MSRA: variants seen among roughly 807,000 people sequenced by gnomAD.
The protein encoded by MSRA is methionine sulfoxide reductase A.
A neutral mutation model predicts 31.3 loss-of-function variants in MSRA; 54 were observed. That is an observed-to-expected ratio of 1.73 (90% CI 1.39 to 2.17). The LOEUF is 2.17. Among genes scored for constraint, MSRA ranks in the 30% most tolerant of loss-of-function variants. The pLI, the probability that MSRA is intolerant of heterozygous loss-of-function variation, is 0.00. For missense variants in MSRA, 507 were observed against 300.9 expected (o/e 1.69, Z -5.07); for synonymous variants, 169 against 116.5 (o/e 1.45, Z -2.90).
rs552655550 is a variant in MSRA, at chr8:10,322,567, G to A, written c.543+2578G>A. ...GTTGTGAAAGTGCAGAGTCTAAGGT[G>A]CCCATGACATGGGCATCCAAGGGGC... On this transcript the variant is annotated intron_variant, in intron 5 of 5. Transcript: ENST00000317173. 3.3e-5 allele frequency among the ~76,000 whole-genome samples: 5 copies of A among 152,248 alleles called. No homozygotes were observed. The South Asian group carries it at 1.0e-3, about 32-fold the overall frequency.
intron 5 of MSRA, among the ~76,000 whole-genome samples, chr8:10,425,973 G>C (rs1809133538): frequency 1.3e-5 from 2 of 152,176 alleles, no homozygotes; most frequent in African/African-American, 4.8e-5. Flanking sequence ...GTGCTGCCTG[G>C]AGCAGATGGC....
intron 1 of MSRA, among the ~76,000 whole-genome samples, chr8:10,116,736 G>A (rs1236747481): frequency 6.6e-6 from 1 of 152,162 alleles, no homozygotes; most frequent in South Asian, 2.1e-4. Flanking sequence ...GGGAGGCTGA[G>A]GCAGGCGGAT....
intron 4 of MSRA, among the ~76,000 whole-genome samples, chr8:10,302,189 T>C (rs1440948995): frequency 2.4e-4 from 37 of 152,260 alleles, no homozygotes; most frequent in Non-Finnish European, 5.4e-4. Context: ...GTGGAGATAT[T>C]AATATATTTG....
At chr8:10,211,405 C>G (rs1054457808) in intron 2 of MSRA, among the ~76,000 whole-genome samples, 8 of 152,166 alleles carry the variant, frequency 5.3e-5, no homozygotes, top group African/African-American at 1.9e-4. Context: ...CTCTCCCTCT[C>G]CTCTGCCCTT....
chr8:10,146,512 C>T (rs908829576), intron 1 of MSRA, among the ~76,000 whole-genome samples: 4 of 151,966 alleles, frequency 2.6e-5, no homozygotes, highest in Non-Finnish European at 5.9e-5. Context: ...TGCTGAGGGC[C>T]GAGGGCTGGG....
At chr8:10,287,520 A>G (rs1037966231) in intron 3 of MSRA, among the ~76,000 whole-genome samples, 3 of 152,210 alleles carry the variant, frequency 2.0e-5, no homozygotes, top group Admixed American at 1.3e-4. Flanking sequence ...AGTTCGGAAT[A>G]ACACAGAACA....
chr8:10,085,098 G>A (rs1798490418), intron 1 of MSRA, among the ~76,000 whole-genome samples: 1 of 152,178 alleles, frequency 6.6e-6, no homozygotes, highest in South Asian at 2.1e-4. Flanking sequence ...TGAAGTTTGA[G>A]GAAAATCTGT....
intron 1 of MSRA, among the ~76,000 whole-genome samples, chr8:10,184,562 C>T (rs146468150): frequency 1.1e-4 from 16 of 152,018 alleles, no homozygotes; most frequent in African/African-American, 3.1e-4. Flanking sequence ...CTTCCCTGAT[C>T]GGTTTTTTTA....
At chr8:10,373,080 G>C (rs1396203025) in intron 5 of MSRA, among the ~76,000 whole-genome samples, 1 of 152,140 alleles carries the variant, frequency 6.6e-6, no homozygotes, top group Non-Finnish European at 1.5e-5. Flanking sequence ...TAGTAGAGAC[G>C]AGGTTTTGCC....
intron 1 of MSRA, among the ~76,000 whole-genome samples, chr8:10,187,327 C>A (rs749301278): frequency 1.3e-5 from 2 of 152,040 alleles, no homozygotes; most frequent in Admixed American, 1.3e-4. Flanking sequence ...TTTTTGTATT[C>A]CACTATTTGT....
intron 1 of MSRA, among the ~76,000 whole-genome samples, chr8:10,104,888 A>G (rs1799778288): frequency 6.6e-6 from 1 of 152,170 alleles, no homozygotes; most frequent in Non-Finnish European, 1.5e-5. Context: ...TCCAGTACCC[A>G]TTTATATTCC....
At position 10,054,395 on chromosome 8, in the gene MSRA, G is replaced by A. The variant is rs1156399461; in HGVS notation, c.-122G>A. ...GCCCCGCCAGCAGCGCCCCGCGCCCGCCCGCCCGCGCCCCTGCCGCCCCCC... is the reference window on the plus strand; with the variant it reads ...GCCCCGCCAGCAGCGCCCCGCGCCCACCCGCCCGCGCCCCTGCCGCCCCCC... On this transcript the variant is annotated 5_prime_UTR_variant, in exon 1 of 6. Transcript: ENST00000317173. 6 of 237,202 alleles carry A rather than the reference G, an allele frequency of 2.5e-5. No individual in the cohort carries two copies. The highest frequency in any genetic ancestry group is 9.8e-5 in the East Asian group (1 of 10,214). The allele number at this position is 237,202 out of a possible 1,614,324, so 14.7% of individuals were successfully genotyped here.
At chr8:10,131,192 G>T (rs1801871387) in intron 1 of MSRA, among the ~76,000 whole-genome samples, 3 of 152,142 alleles carry the variant, frequency 2.0e-5, no homozygotes, top group African/African-American at 4.8e-5. Flanking sequence ...CTTCTCTCTG[G>T]AAGCTTGCCC....
intron 1 of MSRA, among the ~76,000 whole-genome samples, chr8:10,155,425 G>A (rs1231768314): frequency 2.6e-5 from 4 of 152,200 alleles, no homozygotes; most frequent in African/African-American, 9.7e-5. Flanking sequence ...CAACTGAAGA[G>A]CCTAGAAGCT....
chr8:10,153,019 G>C (rs137972614), intron 1 of MSRA, among the ~76,000 whole-genome samples: 135 of 152,290 alleles, frequency 8.9e-4, no homozygotes, highest in African/African-American at 3.2e-3. Context: ...AGGGGATGAA[G>C]AGCTGCTGTT....
At chr8:10,077,061 AG>A (rs1424167283) in intron 1 of MSRA, among the ~76,000 whole-genome samples, 45 of 151,418 alleles carry the variant, frequency 3.0e-4, no homozygotes, top group Admixed American at 2.4e-3. Context: ...AAAAAAAAAA[AG>A]AGCAGAGGAC....
chr8:10,280,701 A>C (rs1425935955), intron 3 of MSRA, among the ~76,000 whole-genome samples: 1 of 152,246 alleles, frequency 6.6e-6, no homozygotes, highest in Non-Finnish European at 1.5e-5. Flanking sequence ...ACCTGTGTCC[A>C]TACAAAAGCC....
At chr8:10,291,019 C>T (rs1800204728) in intron 3 of MSRA, among the ~76,000 whole-genome samples, 1 of 152,158 alleles carries the variant, frequency 6.6e-6, no homozygotes, top group South Asian at 2.1e-4. Flanking sequence ...CGAAGGCCAG[C>T]CTCTGAAATC....
intron 1 of MSRA, among the ~76,000 whole-genome samples, chr8:10,137,327 G>A (rs185019606): frequency 7.2e-5 from 11 of 152,276 alleles, no homozygotes; most frequent in African/African-American, 2.4e-4. Flanking sequence ...ACTTAGGAAC[G>A]TCTTGGTGCC....
Sources: allele counts gnomAD v4.1 joint callset (sites outside exome capture counted in the v4.1 genomes callset), GRCh38; gene constraint gnomAD v4.1.1; transcripts MANE v1.5; gene names NCBI Gene and HGNC (gene_info 2026-07-23, HGNC 2026-07-21).